The following NRCAM variants were observed in gnomAD, a reference collection of about 807,000 sequenced individuals.
The protein encoded by NRCAM is NgCAM-related cell adhesion molecule.
A neutral mutation model predicts 156.5 loss-of-function variants in NRCAM; 83 were observed. That is an observed-to-expected ratio of 0.53 (90% CI 0.44 to 0.64). The LOEUF (loss-of-function observed/expected upper bound fraction) is 0.64. NRCAM is among the 30% of genes least tolerant of loss of function. NRCAM has a pLI of 0.00. For missense variants in NRCAM, 1,417 were observed against 1,597.3 expected (o/e 0.89, Z 1.92); for synonymous variants, 538 against 563.9 (o/e 0.95, Z 0.65).
chr7:108,285,941 A>G (rs2098082256), intron 3 of NRCAM, among the ~76,000 whole-genome samples: 2 of 152,202 alleles, frequency 1.3e-5, no homozygotes, highest in East Asian at 1.9e-4. Context: ...AAATGCACAT[A>G]TGTTTCATTC....
At chr7:108,315,470 C>T (rs2098899813) in intron 2 of NRCAM, among the ~76,000 whole-genome samples, 1 of 152,230 alleles carries the variant, frequency 6.6e-6, no homozygotes, top group Admixed American at 6.5e-5. Context: ...CCAGTTCTCC[C>T]ATTACAGCAG....
At chr7:108,206,417 G>A (rs2081180963) in intron 13 of NRCAM, among the ~76,000 whole-genome samples, 1 of 152,192 alleles carries the variant, frequency 6.6e-6, no homozygotes, top group Admixed American at 6.5e-5. Flanking sequence ...ATAAGCCTGA[G>A]GGCTATCTTT....
In NRCAM at chr7:108,306,732, G is replaced by T. The variant is rs568410219; in HGVS notation, c.-107+5933C>A. 2.0e-5 allele frequency among the ~76,000 whole-genome samples: 3 copies of T among 152,256 alleles called. No homozygotes were observed. In the East Asian group the frequency reaches 5.8e-4, roughly 29 times the overall value. On this transcript the variant is annotated intron_variant, in intron 3 of 32. Transcript: ENST00000379028. Reference sequence around the variant, plus strand: ...TTTAATGAGAATTCAGAATACAGCAGGAGAAGTCACAACCTGGAATGAAGC... The same window carrying T: ...TTTAATGAGAATTCAGAATACAGCATGAGAAGTCACAACCTGGAATGAAGC...
intron 1 of NRCAM, among the ~76,000 whole-genome samples, chr7:108,430,919 T>G (rs1457614680): frequency 6.6e-6 from 1 of 152,156 alleles, no homozygotes; most frequent in Non-Finnish European, 1.5e-5. Flanking sequence ...TGTAAGGTTT[T>G]GCTTGCAGGT....
At chr7:108,453,367 T>A (rs1852689087) in intron 1 of NRCAM, among the ~76,000 whole-genome samples, 1 of 152,222 alleles carries the variant, frequency 6.6e-6, no homozygotes, top group African/African-American at 2.4e-5. Flanking sequence ...CAGGACCCCC[T>A]CACACTTCTG....
At chr7:108,277,135 T>A (rs974843619) in intron 3 of NRCAM, among the ~76,000 whole-genome samples, 1 of 152,204 alleles carries the variant, frequency 6.6e-6, no homozygotes, top group African/African-American at 2.4e-5. Context: ...CCTTCGTGGG[T>A]AACCCGACCT....
At chr7:108,221,001 A>T (rs1193495596) in intron 11 of NRCAM, among the ~76,000 whole-genome samples, 1 of 152,198 alleles carries the variant, frequency 6.6e-6, no homozygotes, top group Non-Finnish European at 1.5e-5. Context: ...CAAATCAGCA[A>T]GAAAAAAACA....
intron 2 of NRCAM, among the ~76,000 whole-genome samples, chr7:108,318,222 T>C (rs1459496766): frequency 1.3e-5 from 2 of 151,518 alleles, no homozygotes; most frequent in Non-Finnish European, 2.9e-5. Flanking sequence ...ATTTTTTGCA[T>C]TTTTAGTAGA....
intron 3 of NRCAM, among the ~76,000 whole-genome samples, chr7:108,289,314 A>T (rs567603766): frequency 2.7e-4 from 41 of 152,150 alleles, no homozygotes; most frequent in Non-Finnish European, 5.3e-4. Context: ...ATGTTTTGAA[A>T]TATATATTCA....
intron 3 of NRCAM, among the ~76,000 whole-genome samples, chr7:108,277,509 T>C (rs1274424578): frequency 6.6e-6 from 1 of 152,030 alleles, no homozygotes; most frequent in Non-Finnish European, 1.5e-5. Context: ...TGATATCCTT[T>C]CTTCTGCTTG....
At chr7:108,329,869 T>G (rs559827935) in intron 2 of NRCAM, among the ~76,000 whole-genome samples, 16 of 152,320 alleles carry the variant, frequency 1.1e-4, no homozygotes, top group African/African-American at 3.8e-4. Flanking sequence ...CCTTGACTTA[T>G]GCTAATAAAA....
intron 14 of NRCAM, among the ~76,000 whole-genome samples, chr7:108,197,479 A>G (rs2075765325): frequency 6.6e-6 from 1 of 152,202 alleles, no homozygotes; most frequent in Non-Finnish European, 1.5e-5. Context: ...TTATTTGAGA[A>G]TATGTTTCAG....
At chr7:108,434,860 G>T (rs1311595291) in intron 1 of NRCAM, among the ~76,000 whole-genome samples, 4 of 152,160 alleles carry the variant, frequency 2.6e-5, no homozygotes, top group Non-Finnish European at 5.9e-5. Context: ...ACATGCCACA[G>T]ATTTACTACA....
chr7:108,227,535 T>C (rs944244476), intron 8 of NRCAM, among the ~76,000 whole-genome samples: 2 of 152,194 alleles, frequency 1.3e-5, no homozygotes, highest in African/African-American at 4.8e-5. Context: ...GTCACCCTAC[T>C]GTGCAATAGT....
chr7:108,289,769 C>T (rs1424301270), intron 3 of NRCAM, among the ~76,000 whole-genome samples: 1 of 152,088 alleles, frequency 6.6e-6, no homozygotes, highest in Non-Finnish European at 1.5e-5. Flanking sequence ...CATGAGGTCT[C>T]CAGACCCCCA....
At chr7:108,353,169 C>A (rs183641293) in intron 2 of NRCAM, among the ~76,000 whole-genome samples, 12 of 152,254 alleles carry the variant, frequency 7.9e-5, no homozygotes, top group African/African-American at 2.9e-4. Context: ...ATAACAACCT[C>A]CTAGCTGCTT....
At chr7:108,190,313 T>G (rs1200055180) in intron 19 of NRCAM, among the ~76,000 whole-genome samples, 2 of 152,182 alleles carry the variant, frequency 1.3e-5, no homozygotes, top group East Asian at 3.8e-4. Context: ...CAACAGTGTA[T>G]AGACAGACAC....
At chr7:108,228,279 G>A (rs2093790415) in intron 8 of NRCAM, among the ~76,000 whole-genome samples, 1 of 151,832 alleles carries the variant, frequency 6.6e-6, no homozygotes, top group Admixed American at 6.6e-5. Flanking sequence ...CTGAGATTGT[G>A]CCACTGCACT....
chr7:108,212,191 C>T lies in NRCAM; in HGVS notation c.891-2586G>A, dbSNP rs557520482. Among the ~76,000 whole-genome samples, 156 of 152,264 alleles carry T rather than the reference C, an allele frequency of 1.0e-3. 1 individual carries two copies. Among genetic ancestry groups the T allele is most frequent in the Non-Finnish European group, 9.6e-4 (65 of 68,016 alleles). On this transcript the variant is annotated intron_variant, in intron 11 of 32. Coordinates refer to ENST00000379028, the MANE Select transcript of NRCAM (RefSeq NM_001037132.4). ...ATAGGAAGCCACATCCATAGGAAAA[C>T]GGGGAGAGTACTACATCAAGGGAAA...
Sources: gnomAD v4.1 joint callset for allele counts (sites outside exome capture counted in the v4.1 genomes callset) on GRCh38, gnomAD v4.1.1 for gene constraint, MANE v1.5 for transcripts, NCBI Gene and HGNC (gene_info 2026-07-23, HGNC 2026-07-21) for gene names.